ZNF722: variants seen among roughly 807,000 people sequenced by gnomAD.
The protein encoded by ZNF722 is zinc finger protein 479 pseudogene.
At chr7:64,014,113 T>C in the ZNF722 span, among the ~76,000 whole-genome samples, 8 of 152,130 alleles carry the variant, frequency 5.3e-5, no homozygotes, top group African/African-American at 1.7e-4. Context: ...ATGGATCTTT[T>C]TGTGTATATC....
At chr7:64,015,472 C>T in the ZNF722 span, 4 of 1,611,958 alleles carry the variant, frequency 2.5e-6, no homozygotes, top group Middle Eastern at 1.7e-4. Context: ...AGAATTCATA[C>T]TGGAGAGAAA....
At chr7:64,011,884 A>G in the ZNF722 span, among the ~76,000 whole-genome samples, 1 of 152,262 alleles carries the variant, frequency 6.6e-6, no homozygotes, top group African/African-American at 2.4e-5. Flanking sequence ...TTTCAGGTAC[A>G]CCAATCAAAC....
At chr7:63,999,131 G>A in the ZNF722 span, 1 of 1,096,788 alleles carries the variant, frequency 9.1e-7, no homozygotes, top group Non-Finnish European at 1.3e-6. Context: ...CCTTGTCCCA[G>A]CTCGGCTTTT....
chr7:64,008,188 T>C, the ZNF722 span, among the ~76,000 whole-genome samples: 1 of 152,230 alleles, frequency 6.6e-6, no homozygotes, highest in Non-Finnish European at 1.5e-5. Flanking sequence ...TCCCATTCTG[T>C]AGGTTGTCTG....
chr7:64,011,729 G>T, the ZNF722 span, among the ~76,000 whole-genome samples: 1 of 151,932 alleles, frequency 6.6e-6, no homozygotes, highest in Non-Finnish European at 1.5e-5. Context: ...TATGTGTCTT[G>T]GTGTTGCTCT....
At chr7:64,005,754 A>T in the ZNF722 span, 8 of 1,519,426 alleles carry the variant, frequency 5.3e-6, no homozygotes, top group Admixed American at 8.1e-5. Flanking sequence ...GAAAACTTCA[A>T]TACACAATTC....
At chr7:64,001,633 C>G in the ZNF722 span, among the ~76,000 whole-genome samples, 1 of 152,044 alleles carries the variant, frequency 6.6e-6, no homozygotes, top group Non-Finnish European at 1.5e-5. Context: ...AATGGTAATT[C>G]TGTTTTCAGG....
At chr7:64,009,558 A>T in the ZNF722 span, among the ~76,000 whole-genome samples, 1 of 152,154 alleles carries the variant, frequency 6.6e-6, no homozygotes, top group African/African-American at 2.4e-5. Context: ...TGATTTGTGT[A>T]TGTTGAACCA....
the ZNF722 span, chr7:63,998,860 C>A: frequency 7.4e-7 from 1 of 1,342,370 alleles, no homozygotes; most frequent in Non-Finnish European, 1.0e-6. Flanking sequence ...TTTTGTGCTT[C>A]TCTGCGTCCC....
chr7:63,999,018 C>T, the ZNF722 span: 1 of 1,576,372 alleles, frequency 6.3e-7, no homozygotes, highest in Non-Finnish European at 8.7e-7. Flanking sequence ...CTGGGTCTGT[C>T]ATCGTGAGAG....
the ZNF722 span, among the ~76,000 whole-genome samples, chr7:64,007,232 A>G: frequency 0.57 from 67,643 of 119,312 alleles, 17,306 homozygotes; most frequent in Non-Finnish European, 0.62. Flanking sequence ...TTGTGTGTGT[A>G]TATATATATA....
At chr7:64,015,032 G>T in the ZNF722 span, 3 of 1,313,386 alleles carry the variant, frequency 2.3e-6, no homozygotes, top group Non-Finnish European at 3.3e-6. Context: ...TTTCAGTTAC[G>T]TGTTCTCATT....
chr7:64,017,093 A>G, the ZNF722 span, among the ~76,000 whole-genome samples: 2 of 152,222 alleles, frequency 1.3e-5, no homozygotes, highest in Non-Finnish European at 2.9e-5. Context: ...ATAGTTAATA[A>G]TAGCATTATA....
chr7:64,000,382 G>A, the ZNF722 span, among the ~76,000 whole-genome samples: 1 of 139,588 alleles, frequency 7.2e-6, no homozygotes, highest in African/African-American at 2.6e-5. Context: ...ACCCACCTGG[G>A]CTTCCCAAAG....
the ZNF722 span, among the ~76,000 whole-genome samples, chr7:64,006,677 T>G: frequency 6.6e-6 from 1 of 152,154 alleles, no homozygotes; most frequent in Non-Finnish European, 1.5e-5. Flanking sequence ...ATAAAATTTT[T>G]TTTGCATCAT....
the ZNF722 span, among the ~76,000 whole-genome samples, chr7:64,006,065 C>G: frequency 4.6e-5 from 7 of 152,216 alleles, no homozygotes; most frequent in East Asian, 1.4e-3. Context: ...TAAGGACTTA[C>G]AAATTTAAAA....
At chr7:64,010,910 ATGAATC>A in the ZNF722 span, among the ~76,000 whole-genome samples, 4 of 152,142 alleles carry the variant, frequency 2.6e-5, no homozygotes, top group Admixed American at 2.0e-4. Flanking sequence ...GACTTGCTTT[ATGAATC>A]TGGGTGCTCC....
chr7:64,003,638 T>G, the ZNF722 span, among the ~76,000 whole-genome samples: 18 of 152,244 alleles, frequency 1.2e-4, no homozygotes, highest in Non-Finnish European at 1.8e-4. Flanking sequence ...TATTTTTTGT[T>G]ATTTTTATGA....
At chr7:64,001,501 C>T in the ZNF722 span, among the ~76,000 whole-genome samples, 1 of 152,144 alleles carries the variant, frequency 6.6e-6, no homozygotes, top group African/African-American at 2.4e-5. Context: ...CCACTGAAGA[C>T]ATATAGGTTT....
Sources: gnomAD v4.1 joint callset for allele counts (sites outside exome capture counted in the v4.1 genomes callset) on GRCh38, gnomAD v4.1.1 for gene constraint, MANE v1.5 for transcripts, NCBI Gene and HGNC (gene_info 2026-07-23, HGNC 2026-07-21) for gene names.